SCNN1A: variants seen among roughly 807,000 people sequenced by gnomAD.
The protein encoded by SCNN1A is sodium channel epithelial 1 subunit alpha, also known as epithelial sodium channel subunit alpha.
A neutral mutation model predicts 68.6 loss-of-function variants in SCNN1A; 65 were observed. The ratio of observed to expected loss-of-function variants is 0.95; its 90% CI spans 0.78 to 1.16. The LOEUF (loss-of-function observed/expected upper bound fraction) is 1.16, where lower values mean the gene tolerates loss of function less well. SCNN1A is among the 50% of genes most tolerant of loss of function. The pLI is 0.00. For missense variants in SCNN1A, 880 were observed against 865.9 expected (o/e 1.02, Z -0.20); for synonymous variants, 357 against 353.3 (o/e 1.01, Z -0.12).
Position 6,354,675 on chromosome 12 carries a change from C to A in SCNN1A, c.1242+75G>T. On this transcript the variant is annotated intron_variant, in intron 7 of 12. Coordinates refer to ENST00000228916, the MANE Select transcript of SCNN1A (RefSeq NM_001038.6). ...TTTCCCTCTCTCTCTCTCACATACACAACCCCTCCAGCTTTGCAGGGCCAG... is the reference window on the plus strand; with the variant it reads ...TTTCCCTCTCTCTCTCTCACATACAAAACCCCTCCAGCTTTGCAGGGCCAG... 3.4e-6 allele frequency: 5 copies of A among 1,454,016 alleles called. No homozygotes were observed. The Admixed American group carries it at 6.7e-5, about 19-fold the overall frequency. 90.1% of individuals were successfully genotyped at this position (1,454,016 alleles called of 1,614,324 possible). A position where few individuals can be genotyped will look rare whatever the true frequency, so the allele number is the denominator to read the frequency against.
At chr12:6,366,252 A>T (rs1041743488) in intron 2 of SCNN1A, among the ~76,000 whole-genome samples, 1 of 152,284 alleles carries the variant, frequency 6.6e-6, no homozygotes, top group Admixed American at 6.5e-5. Flanking sequence ...AAGTTCCTCA[A>T]AAAGTTAGAT....
chr12:6,368,910 C>T (rs767637471), intron 2 of SCNN1A, among the ~76,000 whole-genome samples: 2 of 152,160 alleles, frequency 1.3e-5, no homozygotes, highest in African/African-American at 2.4e-5. Flanking sequence ...ATCTGCCTAC[C>T]GCATGAAGCT....
chr12:6,360,585 A>G (rs1948565393), intron 4 of SCNN1A, among the ~76,000 whole-genome samples: 1 of 152,250 alleles, frequency 6.6e-6, no homozygotes, highest in Admixed American at 6.5e-5. Context: ...GACTAAAAAC[A>G]GAACAAAATC....
Position 6,354,693 on chromosome 12 carries a change from A to C in SCNN1A, c.1242+57T>G, listed in dbSNP as rs535888968. Reference sequence around the variant, plus strand: ...ACATACACAACCCCTCCAGCTTTGCAGGGCCAGCCAGGGCAGTGGCTGGGA... The same window carrying C: ...ACATACACAACCCCTCCAGCTTTGCCGGGCCAGCCAGGGCAGTGGCTGGGA... On this transcript the variant is annotated intron_variant, in intron 7 of 12. Coordinates refer to ENST00000228916, the MANE Select transcript of SCNN1A (RefSeq NM_001038.6). The C allele has an allele frequency of 6.0e-6, 9 of 1,507,586 alleles. No homozygotes were observed. The Admixed American group carries it at 1.5e-4, about 25-fold the overall frequency. The allele number at this position is 1,507,586 out of a possible 1,614,324, so 93.4% of individuals were successfully genotyped here.
intron 2 of SCNN1A, among the ~76,000 whole-genome samples, chr12:6,368,235 C>G (rs10774428): frequency 0.73 from 110,997 of 152,156 alleles, 40,751 homozygotes; most frequent in East Asian, 0.82. Flanking sequence ...AATAGATTCA[C>G]AGTGACTCTG....
chr12:6,355,298 C>A lies in SCNN1A; in HGVS notation c.1117G>T (p.Val373Leu). 1.2e-6 allele frequency: 2 copies of A among 1,613,426 alleles called. No individual in the cohort carries two copies. Among genetic ancestry groups the A allele is most frequent in the East Asian group, 2.2e-5 (1 of 44,838 alleles). ...DDGGFNLRPG[V>L]ETSISMRKET... is the part of the protein sequence containing the mutation. ...TTCCTCATGCTGATGGAGGTCTCCA[C>A]GCCAGGCCGCAAGTTAAAGCCACCA... is the stretch of plus-strand genomic sequence containing the variant. The change falls in exon 6 of 13, where the codon GTG becomes TTG. Residue 373 changes from valine to leucine, a missense_variant. Coordinates refer to ENST00000228916, the MANE Select transcript of SCNN1A (RefSeq NM_001038.6).
At chr12:6,349,120 C>A (rs1948322451) in intron 10 of SCNN1A, 44 bp downstream of exon 10, 1 of 1,604,038 alleles carries the variant, frequency 6.2e-7, no homozygotes. Flanking sequence ...CACAGCATTA[C>A]ATGGGCACAC....
chr12:6,346,957 C>T lies in SCNN1A; in HGVS notation c.*916G>A, dbSNP rs926191406. The T allele has an allele frequency of 6.6e-6, 1 of 152,660 alleles. No individual in the cohort carries two copies. Among genetic ancestry groups the T allele is most frequent in the Non-Finnish European group, 1.5e-5 (1 of 68,062 alleles). The allele number at this position is 152,660 out of a possible 1,614,324, so 9.5% of individuals were successfully genotyped here. ...AGATTCAGTCCCTGACCGCAAGGCACTTACAGTCTAGTTGGGAAGGGAGAC... is the reference window on the plus strand; with the variant it reads ...AGATTCAGTCCCTGACCGCAAGGCATTTACAGTCTAGTTGGGAAGGGAGAC... On this transcript the variant is annotated 3_prime_UTR_variant, in exon 13 of 13. Transcript: ENST00000228916.
At chr12:6,350,292 C>T (rs1450466016) in intron 8 of SCNN1A, among the ~76,000 whole-genome samples, 3 of 151,012 alleles carry the variant, frequency 2.0e-5, no homozygotes, top group South Asian at 2.1e-4. Context: ...ATTAGCCGGG[C>T]GTGGTGGCGG....
At chr12:6,363,993 C>G (rs1359262224) in intron 2 of SCNN1A, 3 of 316,570 alleles carry the variant, frequency 9.5e-6, no homozygotes, top group African/African-American at 6.4e-5. Context: ...GCGCTCTCCC[C>G]CTCGCCCGGA....
rs756340988 is a variant in SCNN1A, at chr12:6,349,351, A to C, written c.1415T>G (p.Phe472Cys). 9.3e-6 allele frequency: 15 copies of C among 1,612,420 alleles called. No individual in the cohort carries two copies. Among genetic ancestry groups the C allele is most frequent in the Non-Finnish European group, 1.3e-5 (15 of 1,179,162 alleles). The change falls in exon 9 of 13, where the codon TTC becomes TGC. Residue 472 changes from phenylalanine (F) to cysteine (C), a missense_variant. Phe to Cys is a radical substitution (Grantham distance 205, BLOSUM62 -2). Around this residue, in one of 3 missense-constraint regions of SCNN1A, gnomAD observed 758 missense variants for 721.8 expected, o/e 1.05. Coordinates refer to ENST00000228916, the MANE Select transcript of SCNN1A (RefSeq NM_001038.6). ...VDFSSDHLGC[F>C]TKCRKPCSVT... ...CCTGCATGGCTTCCGGCACTTGGTG[A>C]AACAGCCCAGGTGGTCTGAGGAGAA...
chr12:6,355,753 T>C (rs62620002), intron 5 of SCNN1A, 24 bp downstream of exon 5: 4 of 1,513,508 alleles, frequency 2.6e-6, no homozygotes, highest in African/African-American at 1.4e-5. Flanking sequence ...GAGGGCGCCA[T>C]GGAGCAAGCA....
intron 2 of SCNN1A, among the ~76,000 whole-genome samples, chr12:6,371,662 G>T (rs1014826682): frequency 8.6e-5 from 13 of 152,020 alleles, no homozygotes; most frequent in African/African-American, 3.1e-4. Flanking sequence ...CTGGGACTCA[G>T]TTTCCTCATC....
At chr12:6,354,204 C>T (rs575883948) in intron 8 of SCNN1A, among the ~76,000 whole-genome samples, 1 of 151,900 alleles carries the variant, frequency 6.6e-6, no homozygotes, top group East Asian at 2.0e-4. Flanking sequence ...GCTCTCCAGC[C>T]TGGGTGACAG....
intron 2 of SCNN1A, among the ~76,000 whole-genome samples, chr12:6,373,164 T>TCCCA (rs1948823537): frequency 6.6e-6 from 1 of 151,744 alleles, no homozygotes; most frequent in Non-Finnish European, 1.5e-5. Context: ...GGACAGGACG[T>TCCCA]CCCACCCTTT....
chr12:6,373,421 C>T (rs1948829804), intron 2 of SCNN1A, among the ~76,000 whole-genome samples: 1 of 152,178 alleles, frequency 6.6e-6, no homozygotes. Context: ...TTATCTGTCT[C>T]CACAACACAG....
chr12:6,370,596 G>A (rs1948772227), intron 2 of SCNN1A, among the ~76,000 whole-genome samples: 1 of 152,274 alleles, frequency 6.6e-6, no homozygotes, highest in Non-Finnish European at 1.5e-5. Context: ...GGCAGGGTTA[G>A]AGGGATGTCA....
chr12:6,363,922 G>C, intron 2 of SCNN1A: 10 of 411,146 alleles, frequency 2.4e-5, no homozygotes, highest in Non-Finnish European at 3.4e-5. Flanking sequence ...GGCGAGCCCA[G>C]CCGGGACACT....
intron 2 of SCNN1A, among the ~76,000 whole-genome samples, chr12:6,371,316 G>T (rs1948785668): frequency 6.6e-6 from 1 of 151,794 alleles, no homozygotes; most frequent in East Asian, 1.9e-4. Context: ...AGTGGCCCTG[G>T]ATCCCTCCCT....
Sources: allele counts gnomAD v4.1 joint callset (sites outside exome capture counted in the v4.1 genomes callset), GRCh38; gene constraint gnomAD v4.1.1; regional missense constraint gnomAD v4.1.1; transcripts MANE v1.5; gene names NCBI Gene and HGNC (gene_info 2026-07-23, HGNC 2026-07-21).